Variants in DISC1 observed in about 807,000 individuals in gnomAD.
The protein encoded by DISC1 is DISC1 scaffold protein.
In DISC1, 57 loss-of-function variants were observed where a neutral mutation model predicts 84.5. The ratio of observed to expected loss-of-function variants is 0.67; its 90% CI spans 0.55 to 0.84. DISC1 has a LOEUF of 0.84. DISC1 is among the 40% of genes least tolerant of loss of function. The pLI is 0.00. For synonymous variants in DISC1, 411 were observed against 415.2 expected (o/e 0.99, Z 0.12); for missense variants, 1,000 against 1,057.8 (o/e 0.95, Z 0.76).
At position 231,704,529 on chromosome 1, in the gene DISC1, G is replaced by T. The variant is rs758909240; in HGVS notation, c.1117+2505G>T. Reference sequence around the variant, plus strand: ...CCCAGCACTTTGGGAGTCCGAGGCGGGTGGATCACGAGGTCAGGAGATCGA... The same window carrying T: ...CCCAGCACTTTGGGAGTCCGAGGCGTGTGGATCACGAGGTCAGGAGATCGA... On this transcript the variant is annotated intron_variant, in intron 3 of 12. Coordinates refer to ENST00000439617, the MANE Select transcript of DISC1 (RefSeq NM_018662.3). 2.0e-5 allele frequency among the ~76,000 whole-genome samples: 3 copies of T among 152,076 alleles called. No individual in the cohort carries two copies. In the East Asian group the frequency reaches 5.8e-4, roughly 29 times the overall value.
intron 4 of DISC1, among the ~76,000 whole-genome samples, chr1:231,756,533 G>T: frequency 1.0e-5 from 1 of 98,516 alleles, no homozygotes; most frequent in Non-Finnish European, 2.5e-5. Context: ...GAGAGAGAGA[G>T]AGAGAGAGAG....
At chr1:231,893,188 G>A (rs2087393104) in intron 9 of DISC1, among the ~76,000 whole-genome samples, 1 of 151,744 alleles carries the variant, frequency 6.6e-6, no homozygotes, top group Non-Finnish European at 1.5e-5. Context: ...AAAACAATGT[G>A]GCATATTAAA....
intron 9 of DISC1, among the ~76,000 whole-genome samples, chr1:231,955,503 T>A (rs1480993263): frequency 7.0e-6 from 1 of 143,322 alleles, no homozygotes; most frequent in Non-Finnish European, 1.5e-5. Flanking sequence ...TTTTTTTTTT[T>A]TGGAAACAGA....
chr1:231,870,654 G>A (rs898354962), intron 9 of DISC1, among the ~76,000 whole-genome samples: 5 of 152,088 alleles, frequency 3.3e-5, no homozygotes, highest in Non-Finnish European at 7.3e-5. Flanking sequence ...GAGATTGACA[G>A]CCCCCCAAAA....
Position 231,781,160 on chromosome 1 carries a change from T to TAA in DISC1, c.1634+10105_1634+10106dup, listed in dbSNP as rs56779223. 5.1e-3 allele frequency among the ~76,000 whole-genome samples: 598 copies of TAA among 117,884 alleles called. 9 individuals carry two copies. Among genetic ancestry groups the TAA allele is most frequent in the African/African-American group, 0.017 (537 of 31,062 alleles). 77.3% of individuals were successfully genotyped at this position (117,884 alleles called of 152,430 possible). ...TGTACCCTAAAACTTAAAGTATAAT[T>TAA]AAAAAAAAAAAAAAAAGAAATGCAG... On this transcript the variant is annotated intron_variant, in intron 6 of 12. Transcript: ENST00000439617.
At chr1:231,867,156 GTCT>G (rs774565926) in intron 9 of DISC1, among the ~76,000 whole-genome samples, 3 of 152,108 alleles carry the variant, frequency 2.0e-5, no homozygotes, top group Non-Finnish European at 4.4e-5. Context: ...CCAGATGGCT[GTCT>G]TCTTAGCAGT....
chr1:231,697,820 A>G (rs1572971037), intron 2 of DISC1, among the ~76,000 whole-genome samples: 2 of 152,234 alleles, frequency 1.3e-5, no homozygotes, highest in East Asian at 1.9e-4. Flanking sequence ...CTTAGGTCAA[A>G]CAAGTTCAGA....
chr1:231,687,649 T>C lies in DISC1; in HGVS notation c.68-6177T>C, dbSNP rs558882438. Among the ~76,000 whole-genome samples the C allele has an allele frequency of 1.7e-4, 26 of 152,324 alleles. No individual in the cohort carries two copies. The South Asian group carries it at 2.7e-3, about 16-fold the overall frequency. On this transcript the variant is annotated intron_variant, in intron 1 of 12. Transcript: ENST00000439617. Reference sequence around the variant, plus strand: ...CCCCAACAGTGTTCCTTCATGCACATGGATGGTGGTGTTGAAAATGCACTT... The same window carrying C: ...CCCCAACAGTGTTCCTTCATGCACACGGATGGTGGTGTTGAAAATGCACTT...
intron 3 of DISC1, among the ~76,000 whole-genome samples, chr1:231,721,560 C>G (rs1377158075): frequency 6.6e-6 from 1 of 152,090 alleles, no homozygotes; most frequent in East Asian, 1.9e-4. Flanking sequence ...ATCATATGGA[C>G]TTGGGGCAGC....
intron 6 of DISC1, among the ~76,000 whole-genome samples, chr1:231,793,257 T>C (rs765362514): frequency 2.0e-5 from 3 of 152,132 alleles, no homozygotes; most frequent in African/African-American, 7.2e-5. Context: ...TCCCAACACA[T>C]ACCCCAGAAA....
intron 3 of DISC1, among the ~76,000 whole-genome samples, chr1:231,748,174 T>A (rs902914419): frequency 1.3e-5 from 2 of 152,230 alleles, no homozygotes; most frequent in African/African-American, 4.8e-5. Context: ...GAGCATGCCA[T>A]CTGCAAATAG....
At chr1:231,920,990 T>C (rs1325674411) in intron 9 of DISC1, among the ~76,000 whole-genome samples, 1 of 146,906 alleles carries the variant, frequency 6.8e-6, no homozygotes, top group Non-Finnish European at 1.5e-5. Flanking sequence ...CACTGCAGCC[T>C]CCACCTCCTG....
At chr1:231,943,501 G>T (rs1196671720) in intron 9 of DISC1, among the ~76,000 whole-genome samples, 1 of 152,184 alleles carries the variant, frequency 6.6e-6, no homozygotes, top group Non-Finnish European at 1.5e-5. Flanking sequence ...AGCCCAGCAT[G>T]TGAGACCCTA....
chr1:231,694,137 A>G lies in DISC1; in HGVS notation c.379A>G (p.Arg127Gly), dbSNP rs748575787. 7 of 1,614,162 alleles carry G rather than the reference A, an allele frequency of 4.3e-6. No homozygotes were observed. The Admixed American group carries it at 1.2e-4, about 27-fold the overall frequency. The change falls in exon 2 of 13, where the codon AGA (arginine) becomes GGA (glycine). Residue 127 changes from arginine to glycine, a missense_variant. Around this residue, in one of 3 missense-constraint regions of DISC1, gnomAD observed 292 missense variants for 280.2 expected, o/e 1.04. Coordinates refer to ENST00000439617, the MANE Select transcript of DISC1 (RefSeq NM_018662.3). ...HFGIQLRGGT[R>G]LPDRLSWPCG... ...TGGGATTCAGCTCAGAGGTGGCACC[A>G]GATTGCCTGACAGGCTTAGCTGGCC...
chr1:231,692,312 C>T (rs373284535), intron 1 of DISC1, among the ~76,000 whole-genome samples: 5 of 152,192 alleles, frequency 3.3e-5, no homozygotes, highest in Admixed American at 6.5e-5. Flanking sequence ...CTTTGTACCC[C>T]GGGCAGCAAT....
chr1:231,804,590 G>A (rs1189609726), intron 8 of DISC1, among the ~76,000 whole-genome samples: 1 of 151,978 alleles, frequency 6.6e-6, no homozygotes, highest in Non-Finnish European at 1.5e-5. Flanking sequence ...TGGAGTCACG[G>A]GATTATAGGC....
At chr1:231,679,728 A>G (rs1224987978) in intron 1 of DISC1, among the ~76,000 whole-genome samples, 1 of 152,208 alleles carries the variant, frequency 6.6e-6, no homozygotes, top group Admixed American at 6.5e-5. Flanking sequence ...TGAGTACTTG[A>G]AAACAGTTTG....
rs568636960 is a variant in DISC1 at position 231,694,896 on chromosome 1, A to C, written c.1047+91A>C. The C allele has an allele frequency of 5.2e-6, 8 of 1,546,076 alleles. No individual in the cohort carries two copies. In the African/African-American group the frequency reaches 8.2e-5, roughly 16 times the overall value. On this transcript the variant is annotated intron_variant, in intron 2 of 12. Transcript: ENST00000439617. ...GCAGGAAACGAGGGGTTCTGGGCTC[A>C]ACTGACTTCCTCCTGGAAGCTGCAG...
chr1:232,018,378 T>G (rs928232087), intron 11 of DISC1, among the ~76,000 whole-genome samples: 2 of 152,224 alleles, frequency 1.3e-5, no homozygotes, highest in African/African-American at 4.8e-5. Flanking sequence ...AGTAAAAATG[T>G]CCTTGGAGAC....
Sources: gnomAD v4.1 joint callset for allele counts (sites outside exome capture counted in the v4.1 genomes callset) on GRCh38, gnomAD v4.1.1 for gene constraint, gnomAD v4.1.1 regional missense constraint, MANE v1.5 for transcripts, NCBI Gene and HGNC (gene_info 2026-07-23, HGNC 2026-07-21) for gene names.